Variants in ARMC2 observed in about 807,000 individuals in gnomAD.
ARMC2 encodes the protein armadillo repeat-containing protein 2.
In ARMC2, 67 loss-of-function variants were observed where a neutral mutation model predicts 90.3. The observed-to-expected ratio is 0.74, with a 90% confidence interval of 0.61 to 0.91. The LOEUF (loss-of-function observed/expected upper bound fraction) is 0.91. ARMC2 is among the 40% of genes least tolerant of loss of function. ARMC2 has a pLI of 0.00. For missense variants in ARMC2, 920 were observed against 1,030.9 expected (o/e 0.89, Z 1.47); for synonymous variants, 393 against 393.0 (o/e 1.00, Z 0.00).
chr6:108,944,049 T>G (rs1300813032), intron 12 of ARMC2, among the ~76,000 whole-genome samples: 3 of 152,162 alleles, frequency 2.0e-5, no homozygotes, highest in Admixed American at 6.5e-5. Context: ...TGAGACCCTA[T>G]GGTTTAAGTT....
intron 10 of ARMC2, among the ~76,000 whole-genome samples, chr6:108,920,757 C>G (rs1474759272): frequency 6.6e-6 from 1 of 152,144 alleles, no homozygotes; most frequent in Non-Finnish European, 1.5e-5. Context: ...GATTTACCCA[C>G]CCAGTCACAG....
At chr6:109,012,231 A>G in the ARMC2 span, among the ~76,000 whole-genome samples, 10 of 151,650 alleles carry the variant, frequency 6.6e-5, no homozygotes, top group Admixed American at 2.0e-4. Flanking sequence ...TTAAACATTT[A>G]ATTTTGATAT....
the ARMC2 span, chr6:108,987,473 G>A: frequency 7.4e-6 from 6 of 805,426 alleles, no homozygotes; most frequent in African/African-American, 1.0e-4. Flanking sequence ...TGGTCCTGGG[G>A]CTTAGTACCT....
intron 3 of ARMC2, among the ~76,000 whole-genome samples, chr6:108,866,558 G>A (rs1313527206): frequency 6.6e-6 from 1 of 152,152 alleles, no homozygotes; most frequent in Non-Finnish European, 1.5e-5. Flanking sequence ...AAGGGAACTG[G>A]CATTTCTTGA....
At chr6:108,984,296 A>G in the ARMC2 span, among the ~76,000 whole-genome samples, 4 of 152,192 alleles carry the variant, frequency 2.6e-5, no homozygotes, top group Non-Finnish European at 5.9e-5. Flanking sequence ...GTAACAAAAT[A>G]CCTTAGACTG....
At chr6:108,938,599 C>CTTTTTTTTTTTTTTTTTTTT (rs4027582) in intron 12 of ARMC2, among the ~76,000 whole-genome samples, 2 of 83,104 alleles carry the variant, frequency 2.4e-5, no homozygotes, top group African/African-American at 9.0e-5. Flanking sequence ...CCATTACTAC[C>CTTTTTTTTTTTTTTTTTTTT]TTTTTTTTTT....
chr6:108,987,452 T>C, the ARMC2 span: 1 of 602,764 alleles, frequency 1.7e-6, no homozygotes, highest in Non-Finnish European at 2.9e-6. Flanking sequence ...CTGAATTATT[T>C]TGTCTACCAT....
intron 12 of ARMC2, among the ~76,000 whole-genome samples, chr6:108,950,765 T>G (rs1777126102): frequency 1.3e-5 from 2 of 152,304 alleles, no homozygotes; most frequent in African/African-American, 4.8e-5. Context: ...CATGTACCCC[T>G]GAGCCTAAAA....
intron 12 of ARMC2, among the ~76,000 whole-genome samples, chr6:108,952,348 G>A (rs1777252732): frequency 6.6e-6 from 1 of 152,192 alleles, no homozygotes; most frequent in Non-Finnish European, 1.5e-5. Context: ...CATAAAACGG[G>A]TATGCACAAT....
chr6:109,034,930 T>G, the ARMC2 span, among the ~76,000 whole-genome samples: 3 of 152,224 alleles, frequency 2.0e-5, no homozygotes, highest in Non-Finnish European at 4.4e-5. Flanking sequence ...GTTTAAGAAC[T>G]TTTATATCAG....
At chr6:108,983,119 A>G in the ARMC2 span, among the ~76,000 whole-genome samples, 1 of 151,840 alleles carries the variant, frequency 6.6e-6, no homozygotes, top group South Asian at 2.1e-4. Flanking sequence ...TCCCAGCCCC[A>G]TTTTTTAGTT....
At chr6:109,009,687 C>G in the ARMC2 span, 1 of 425,960 alleles carries the variant, frequency 2.3e-6, no homozygotes, top group Non-Finnish European at 3.2e-6. Flanking sequence ...GGCGCGGAGG[C>G]TGGGAACTGG....
chr6:108,931,469 T>C (rs967132316), intron 11 of ARMC2, among the ~76,000 whole-genome samples: 2 of 151,938 alleles, frequency 1.3e-5, no homozygotes, highest in African/African-American at 4.9e-5. Context: ...AAATGGTAGT[T>C]CTGCTTTTAG....
At chr6:108,880,800 T>C (rs9486969) in intron 5 of ARMC2, among the ~76,000 whole-genome samples, 5 of 140,840 alleles carry the variant, frequency 3.6e-5, no homozygotes, top group Non-Finnish European at 7.8e-5. Context: ...TCCTCTCTCT[T>C]TCTTTCTTCC....
the ARMC2 span, among the ~76,000 whole-genome samples, chr6:109,028,138 T>C: frequency 6.7e-6 from 1 of 149,988 alleles, no homozygotes; most frequent in East Asian, 1.9e-4. Flanking sequence ...TACCCCCAGG[T>C]TGTAAACTTT....
the ARMC2 span, among the ~76,000 whole-genome samples, chr6:108,987,919 C>G: frequency 1.3e-5 from 2 of 151,444 alleles, no homozygotes; most frequent in East Asian, 3.9e-4. Flanking sequence ...TCTCATGCCT[C>G]AGCTTCCCAT....
intron 5 of ARMC2, 44 bp from the exon 6 acceptor site, chr6:108,894,423 A>G (rs1327061592): frequency 1.3e-6 from 2 of 1,518,836 alleles, no homozygotes; most frequent in South Asian, 1.2e-5. Context: ...CAAAATTAGA[A>G]GTGTTTTCAT....
At chr6:108,984,073 G>A in the ARMC2 span, among the ~76,000 whole-genome samples, 5 of 152,274 alleles carry the variant, frequency 3.3e-5, no homozygotes, top group South Asian at 1.0e-3. Flanking sequence ...GTGCATGTGA[G>A]GGATGTGGGT....
At chr6:108,884,389 A>G (rs1777879657) in intron 5 of ARMC2, among the ~76,000 whole-genome samples, 1 of 152,218 alleles carries the variant, frequency 6.6e-6, no homozygotes, top group Admixed American at 6.5e-5. Context: ...AAGGTCTAGA[A>G]GCACTGTTCA....
Sources: gnomAD v4.1 joint callset for allele counts (sites outside exome capture counted in the v4.1 genomes callset) on GRCh38, gnomAD v4.1.1 for gene constraint, MANE v1.5 for transcripts, NCBI Gene and HGNC (gene_info 2026-07-23, HGNC 2026-07-21) for gene names.